The following FSIP2 variants were observed in gnomAD, a reference collection of about 807,000 sequenced individuals.
FSIP2 encodes fibrous sheath interacting protein 2.
Under a neutral mutation model 510.5 loss-of-function variants are expected in FSIP2, and 367 were observed. That is an observed-to-expected ratio of 0.72 (90% confidence interval 0.66 to 0.78). FSIP2 has a LOEUF of 0.78. FSIP2 is among the 30% of genes least tolerant of loss of function. The pLI, the probability that FSIP2 is intolerant of heterozygous loss-of-function variation, is 0.00. For missense variants in FSIP2, 7,594 were observed against 7,901.7 expected (o/e 0.96, Z 1.48); for synonymous variants, 2,601 against 2,732.2 (o/e 0.95, Z 1.50).
chr2:185,788,846 C>G lies in FSIP2; in HGVS notation c.1710C>G (p.Ser570Arg). Residue 570 changes from serine (S) to arginine (R), a missense_variant, in exon 16 of 23, where the codon AGC becomes AGG. Coordinates refer to ENST00000424728, the MANE Select transcript of FSIP2 (RefSeq NM_173651.4). ...STCSEDFTYR[S>R]YTSATTKTFQ... ...GCAGTGAAGACTTTACATATAGAAG[C>G]TACACATCTGCAACAACTAAAACAT... 1 of 1,534,690 alleles carries G rather than the reference C, an allele frequency of 6.5e-7. No individual in the cohort carries two copies. The highest frequency in any genetic ancestry group is 8.7e-7 in the Non-Finnish European group (1 of 1,145,896).
intron 12 of FSIP2, among the ~76,000 whole-genome samples, chr2:185,764,170 A>T (rs536426912): frequency 1.3e-5 from 2 of 151,690 alleles, no homozygotes; most frequent in South Asian, 4.2e-4. Context: ...CAGCATTGCC[A>T]TCCATATTAA....
At chr2:185,766,062 T>C (rs1692470328) in intron 13 of FSIP2, 1 of 151,972 alleles carries the variant, frequency 6.6e-6, no homozygotes, top group South Asian at 2.1e-4. Context: ...AATGGGGTTT[T>C]CTAGATATAC....
chr2:185,766,481 A>G (rs1185558026), intron 13 of FSIP2: 1 of 148,594 alleles, frequency 6.7e-6, no homozygotes, highest in Non-Finnish European at 1.5e-5. Flanking sequence ...GAAAAAAACA[A>G]ACAACCCCAT....
At chr2:185,755,877 C>T (rs1692236921) in intron 8 of FSIP2, among the ~76,000 whole-genome samples, 1 of 151,614 alleles carries the variant, frequency 6.6e-6, no homozygotes, top group African/African-American at 2.4e-5. Flanking sequence ...GCTGAGTCTT[C>T]AGCCCAGCCA....
Position 185,792,093 on chromosome 2 carries a change from G to T in FSIP2, c.4957G>T (p.Val1653Phe). The T allele has an allele frequency of 1.3e-6, 2 of 1,533,386 alleles. No homozygotes were observed. Among genetic ancestry groups the T allele is most frequent in the African/African-American group, 1.4e-5 (1 of 72,954 alleles). 95.0% of individuals were successfully genotyped at this position (1,533,386 alleles called of 1,614,324 possible). A position where few individuals can be genotyped will look rare whatever the true frequency, so the allele number is the denominator to read the frequency against. The change falls in exon 16 of 23, where the codon GTT becomes TTT. Residue 1653 changes from valine to phenylalanine, a missense_variant. By Grantham distance (50) the Val-to-Phe change is conservative. Coordinates refer to ENST00000424728, the MANE Select transcript of FSIP2 (RefSeq NM_173651.4). ...AKKVSSAILK[V>F]IQTELNVTSS... ...GAAGGTATCAAGTGCTATTTTGAAGGTTATTCAAACAGAATTAAATGTGAC... is the reference window on the plus strand; with the variant it reads ...GAAGGTATCAAGTGCTATTTTGAAGTTTATTCAAACAGAATTAAATGTGAC...
In FSIP2 at chr2:185,788,763, T is replaced by A; in HGVS notation, c.1627T>A (p.Tyr543Asn). The A allele has an allele frequency of 6.5e-7, 1 of 1,534,362 alleles. No individual in the cohort carries two copies. The highest frequency in any genetic ancestry group is 8.7e-7 in the Non-Finnish European group (1 of 1,145,650). The change falls in exon 16 of 23, where the codon TAC becomes AAC. Residue 543 changes from tyrosine (Y) to asparagine (N), a missense_variant. Physicochemically the swap from Tyr to Asn is moderately radical, Grantham distance 143. Coordinates refer to ENST00000424728, the MANE Select transcript of FSIP2 (RefSeq NM_173651.4). Reference protein sequence around the residue: ...KYEKRLQNNTYPVSDDSILSS... With the variant: ...KYEKRLQNNTNPVSDDSILSS... ...TGAAAAAAGATTGCAAAATAATACA[T>A]ACCCAGTATCTGATGACTCCATCCT...
chr2:185,739,243 G>A, intron 1 of FSIP2, 103 bp from the exon 2 acceptor site: 1 of 1,289,144 alleles, frequency 7.8e-7, no homozygotes, highest in Non-Finnish European at 1.0e-6. Context: ...AACCCTGATT[G>A]TATAATTCTT....
At chr2:185,823,935 G>C (rs558593872) in intron 19 of FSIP2, among the ~76,000 whole-genome samples, 1 of 151,848 alleles carries the variant, frequency 6.6e-6, no homozygotes, top group East Asian at 2.0e-4. Flanking sequence ...CATACTACTA[G>C]ATGTATGAAC....
At position 185,795,528 on chromosome 2, in the gene FSIP2, C is replaced by T; in HGVS notation, c.8392C>T (p.His2798Tyr). ...CNLAYPMKSS[H>Y]LRLSQGNIGT... is the part of the protein sequence containing the mutation. ...TTTGGCTTACCCGATGAAATCCTCACATCTCAGACTTTCACAGGGGAATAT... is the reference window on the plus strand; with the variant it reads ...TTTGGCTTACCCGATGAAATCCTCATATCTCAGACTTTCACAGGGGAATAT... Residue 2798 changes from histidine (H) to tyrosine (Y), a missense_variant, in exon 16 of 23, where the codon CAT becomes TAT. By Grantham distance (83) the His-to-Tyr change is moderately conservative (BLOSUM62 2). Coordinates refer to ENST00000424728, the MANE Select transcript of FSIP2 (RefSeq NM_173651.4). 6.5e-7 allele frequency: 1 copy of T among 1,534,692 alleles called. No individual in the cohort carries two copies. Among genetic ancestry groups the T allele is most frequent in the Non-Finnish European group, 8.7e-7 (1 of 1,145,948 alleles).
At position 185,804,015 on chromosome 2, in the gene FSIP2, CT is replaced by C. The variant is rs1179143773; in HGVS notation, c.14712del (p.Phe4904LeufsTer26). ...KIASFIIKEI[F>X]NHHIQSFLSE... ...TAGCGAGTTTTATAATAAAAGAAATCTTTAACCATCATATTCAATCATTTTT... is the reference window on the plus strand; with the variant it reads ...TAGCGAGTTTTATAATAAAAGAAATCTTAACCATCATATTCAATCATTTTT... On this transcript the variant is annotated frameshift_variant, in exon 17 of 23. Transcript: ENST00000424728. LOFTEE classifies it high-confidence loss of function. 6.7e-7 allele frequency: 1 copy of C among 1,499,838 alleles called. No homozygotes were observed. Among genetic ancestry groups the C allele is most frequent in the South Asian group, 1.3e-5 (1 of 78,626 alleles). The allele number at this position is 1,499,838 out of a possible 1,614,324, so 92.9% of individuals were successfully genotyped here. A position where few individuals can be genotyped will look rare whatever the true frequency, so the allele number is the denominator to read the frequency against.
At chr2:185,813,084 T>C (rs1390496333) in intron 17 of FSIP2, among the ~76,000 whole-genome samples, 2 of 152,056 alleles carry the variant, frequency 1.3e-5, no homozygotes, top group Non-Finnish European at 2.9e-5. Context: ...GGAGTAAAGA[T>C]TTTAAAACCA....
In FSIP2 at chr2:185,809,500, A is replaced by G. The variant is rs143833135; in HGVS notation, c.19827+367A>G. 4.3e-3 allele frequency among the ~76,000 whole-genome samples: 660 copies of G among 152,204 alleles called. 1 individual carries two copies. The highest frequency in any genetic ancestry group is 0.01 in the Admixed American group (157 of 15,266). ...TGTATAGTTCCTTAGTTCGTTATGG[A>G]TATCTAAAGGTGTTCAAACAGGCCA... On this transcript the variant is annotated intron_variant, in intron 17 of 22. Transcript: ENST00000424728.
At position 185,796,006 on chromosome 2, in the gene FSIP2, A is replaced by G; in HGVS notation, c.8870A>G (p.Lys2957Arg). 1 of 1,534,072 alleles carries G rather than the reference A, an allele frequency of 6.5e-7. No homozygotes were observed. The highest frequency in any genetic ancestry group is 8.7e-7 in the Non-Finnish European group (1 of 1,145,886). The change falls in exon 16 of 23, where the codon AAA (lysine) becomes AGA (arginine). Residue 2957 changes from lysine to arginine, a missense_variant. Transcript: ENST00000424728. ...NSKEHITAKS[K>R]YGFPNKHSLS... is the part of the protein sequence containing the mutation. ...AAAGAACACATTACTGCTAAAAGTA[A>G]ATATGGTTTTCCAAACAAGCATAGC...
Position 185,794,044 on chromosome 2 carries a change from G to A in FSIP2, c.6908G>A (p.Ser2303Asn), listed in dbSNP as rs1559028392. The A allele has an allele frequency of 6.5e-7, 1 of 1,533,636 alleles. No individual in the cohort carries two copies. Among genetic ancestry groups the A allele is most frequent in the Admixed American group, 2.0e-5 (1 of 50,846 alleles). Reference protein sequence around the residue: ...KQNDSIFYDSSQVESDVNVLK... With the variant: ...KQNDSIFYDSNQVESDVNVLK... Reference sequence around the variant, plus strand: ...AATGACAGCATCTTTTATGATTCAAGCCAAGTGGAATCAGATGTAAATGTC... The same window carrying A: ...AATGACAGCATCTTTTATGATTCAAACCAAGTGGAATCAGATGTAAATGTC... Residue 2303 changes from serine (S) to asparagine (N), a missense_variant, in exon 16 of 23, where the codon AGC becomes AAC. Physicochemically the swap from Ser to Asn is conservative, Grantham distance 46. Coordinates refer to ENST00000424728, the MANE Select transcript of FSIP2 (RefSeq NM_173651.4).
At position 185,807,327 on chromosome 2, in the gene FSIP2, A is replaced by G. The variant is rs767518005; in HGVS notation, c.18021A>G (p.Ile6007Met). 1.9e-6 allele frequency: 3 copies of G among 1,612,144 alleles called. No individual in the cohort carries two copies. The South Asian group carries it at 3.3e-5, about 18-fold the overall frequency. ...AAACTTCATCACCATATACAATAAT[A>G]TTACCTCATAAATTTTTGGAGAATG... Reference protein sequence around the residue: ...ECQTSSPYTIILPHKFLENVI... With the variant: ...ECQTSSPYTIMLPHKFLENVI... The change falls in exon 17 of 23, where the codon ATA (isoleucine) becomes ATG (methionine). Residue 6007 changes from isoleucine (I) to methionine (M), a missense_variant. Ile to Met is a conservative substitution (Grantham distance 10). Coordinates refer to ENST00000424728, the MANE Select transcript of FSIP2 (RefSeq NM_173651.4).
intron 13 of FSIP2, among the ~76,000 whole-genome samples, chr2:185,779,734 C>T (rs905333556): frequency 1.7e-4 from 26 of 152,010 alleles, no homozygotes; most frequent in African/African-American, 5.6e-4. Flanking sequence ...TTATTTTGTT[C>T]TCCACTCATT....
At position 185,744,363 on chromosome 2, in the gene FSIP2, T is replaced by C; in HGVS notation, c.429T>C (p.Tyr143=). Residue 143 remains tyrosine (Y), a synonymous_variant, in exon 4 of 23, where the codon TAT becomes TAC. Coordinates refer to ENST00000424728, the MANE Select transcript of FSIP2 (RefSeq NM_173651.4). ...TLRELNKYRQ[Y]LTSLKLDFER... is the part of the protein sequence containing the mutation. ...GAGAATTGAATAAGTACAGGCAATA[T>C]CTTACCAGTTTAAAATTAGACTTTG... is the stretch of plus-strand genomic sequence containing the variant. 7.9e-7 allele frequency: 1 copy of C among 1,267,548 alleles called. No homozygotes were observed. The highest frequency in any genetic ancestry group is 1.0e-6 in the Non-Finnish European group (1 of 965,268). The allele number at this position is 1,267,548 out of a possible 1,614,324, so 78.5% of individuals were successfully genotyped here. A position where few individuals can be genotyped will look rare whatever the true frequency, so the allele number is the denominator to read the frequency against.
Position 185,807,176 on chromosome 2 carries a change from TTTTCC to T in FSIP2, c.17871_17875del (p.Phe5958ThrfsTer4), listed in dbSNP as rs1693602538. On this transcript the variant is annotated frameshift_variant, in exon 17 of 23. Coordinates refer to ENST00000424728, the MANE Select transcript of FSIP2 (RefSeq NM_173651.4). LOFTEE classifies it high-confidence loss of function. ...CTAACTAGTGCAGTGATAAATGAAA[TTTTCC>T]AACGTCAGGTTAACTTGATATTTTG... 1 of 1,601,668 alleles carries T rather than the reference TTTTCC, an allele frequency of 6.2e-7. No homozygotes were observed. Among genetic ancestry groups the T allele is most frequent in the South Asian group, 1.1e-5 (1 of 88,370 alleles).
At chr2:185,822,705 A>G (rs768095144) in intron 19 of FSIP2, among the ~76,000 whole-genome samples, 8 of 151,854 alleles carry the variant, frequency 5.3e-5, no homozygotes, top group Non-Finnish European at 1.0e-4. Context: ...GAAATAGAAA[A>G]TTTATCCTAA....
Sources: allele counts gnomAD v4.1 joint callset (sites outside exome capture counted in the v4.1 genomes callset), GRCh38; gene constraint gnomAD v4.1.1; transcripts MANE v1.5; gene names NCBI Gene and HGNC (gene_info 2026-07-23, HGNC 2026-07-21).